Variants in BMPER observed in about 807,000 individuals in gnomAD.
BMPER encodes the protein BMP binding endothelial regulator, also known as BMP-binding endothelial regulator protein.
BMPER carries 45 observed loss-of-function variants against 87.3 expected under a neutral mutation model. The observed-to-expected ratio is 0.52, with a 90% CI of 0.41 to 0.66. The LOEUF is 0.66. Ranked by LOEUF, BMPER falls within the 30% of genes least tolerant of loss-of-function variation. BMPER has a pLI of 0.00. For synonymous variants in BMPER, 326 were observed against 316.2 expected (o/e 1.03, Z -0.33); for missense variants, 784 against 867.5 (o/e 0.90, Z 1.21).
intron 13 of BMPER, among the ~76,000 whole-genome samples, chr7:34,110,812 A>C (rs866261432): frequency 6.6e-6 from 1 of 152,228 alleles, no homozygotes; most frequent in South Asian, 2.1e-4. Flanking sequence ...CTGAATAATC[A>C]GACAAAATTA....
At chr7:33,920,418 GTGTT>G (rs1784194410) in intron 2 of BMPER, among the ~76,000 whole-genome samples, 1 of 99,940 alleles carries the variant, frequency 1.0e-5, no homozygotes, top group Non-Finnish European at 1.9e-5. Flanking sequence ...AAACTCCGTT[GTGTT>G]TTTTTTTTTT....
At chr7:34,145,407 C>CT (rs1790991242) in intron 14 of BMPER, among the ~76,000 whole-genome samples, 1 of 152,320 alleles carries the variant, frequency 6.6e-6, no homozygotes, top group African/African-American at 2.4e-5. Flanking sequence ...GTGTGCCACT[C>CT]TATCAATGCT....
intron 13 of BMPER, among the ~76,000 whole-genome samples, chr7:34,092,503 A>T (rs1789414214): frequency 6.6e-6 from 1 of 152,158 alleles, no homozygotes; most frequent in Non-Finnish European, 1.5e-5. Flanking sequence ...TGGGGTGATT[A>T]GTCCTTTACC....
In BMPER at chr7:34,012,408, G is replaced by A. The variant is rs551769905; in HGVS notation, c.577-33898G>A. On this transcript the variant is annotated intron_variant, in intron 6 of 14. Coordinates refer to ENST00000649409, the MANE Select transcript of BMPER (RefSeq NM_001365308.1). ...AGAAGGAATTGGCATTAATCATAGG[G>A]CAAATAGGTCTTAGTTAAGGAAACT... 6.6e-4 allele frequency among the ~76,000 whole-genome samples: 101 copies of A among 151,998 alleles called. 3 individuals carry two copies. In the South Asian group the frequency reaches 0.02, roughly 30 times the overall value.
At chr7:34,027,935 C>T (rs188426342) in intron 6 of BMPER, among the ~76,000 whole-genome samples, 4 of 152,156 alleles carry the variant, frequency 2.6e-5, no homozygotes, top group Admixed American at 2.6e-4. Flanking sequence ...ATATATTCCA[C>T]ATGACTGATG....
chr7:34,039,222 A>G (rs1463782825), intron 6 of BMPER, among the ~76,000 whole-genome samples: 1 of 152,196 alleles, frequency 6.6e-6, no homozygotes, highest in Non-Finnish European at 1.5e-5. Flanking sequence ...ATAAGCTTTA[A>G]GTCTTACTTA....
At chr7:34,140,538 C>T (rs1425160596) in intron 13 of BMPER, among the ~76,000 whole-genome samples, 4 of 152,156 alleles carry the variant, frequency 2.6e-5, no homozygotes, top group Non-Finnish European at 5.9e-5. Context: ...TTTTACAGAA[C>T]GGCATATCAT....
At chr7:34,103,248 C>A (rs545957290) in intron 13 of BMPER, among the ~76,000 whole-genome samples, 1 of 152,110 alleles carries the variant, frequency 6.6e-6, no homozygotes, top group South Asian at 2.1e-4. Context: ...ATGAGCTGTG[C>A]CCTTATTTTC....
rs146627505 is a variant in BMPER at position 34,034,982 on chromosome 7, C to T, written c.577-11324C>T. On this transcript the variant is annotated intron_variant, in intron 6 of 14. Coordinates refer to ENST00000649409, the MANE Select transcript of BMPER (RefSeq NM_001365308.1). Reference sequence around the variant, plus strand: ...AGCTTTGGCTCATGCTGGGACCCCCCACCACAGCTGGTGCCAACAGACTGT... The same window carrying T: ...AGCTTTGGCTCATGCTGGGACCCCCTACCACAGCTGGTGCCAACAGACTGT... Among the ~76,000 whole-genome samples, 1,357 of 152,306 alleles carry T rather than the reference C, an allele frequency of 8.9e-3. 14 individuals are homozygous for T. Among genetic ancestry groups the T allele is most frequent in the Admixed American group, 0.016 (243 of 15,298 alleles).
intron 12 of BMPER, among the ~76,000 whole-genome samples, chr7:34,084,018 A>G (rs1789129671): frequency 6.6e-6 from 1 of 151,854 alleles, no homozygotes; most frequent in African/African-American, 2.4e-5. Context: ...AAAAAAAAAA[A>G]AAAGGCCGCA....
chr7:33,988,701 G>A (rs1786092592), intron 6 of BMPER, among the ~76,000 whole-genome samples: 1 of 151,282 alleles, frequency 6.6e-6, no homozygotes, highest in South Asian at 2.1e-4. Flanking sequence ...TGCCATGCTG[G>A]TGCGCTGTAC....
chr7:34,044,320 T>G (rs1300272835), intron 6 of BMPER, among the ~76,000 whole-genome samples: 1 of 152,196 alleles, frequency 6.6e-6, no homozygotes, highest in Admixed American at 6.5e-5. Context: ...AATTTCAATT[T>G]TAAAATATGC....
At chr7:34,001,350 G>T (rs936524322) in intron 6 of BMPER, among the ~76,000 whole-genome samples, 1 of 151,716 alleles carries the variant, frequency 6.6e-6, no homozygotes, top group African/African-American at 2.4e-5. Context: ...TCTTCATATG[G>T]CATGAATATG....
At chr7:33,951,365 T>G (rs1785019748) in intron 3 of BMPER, among the ~76,000 whole-genome samples, 2 of 152,110 alleles carry the variant, frequency 1.3e-5, no homozygotes. Context: ...TTTCTTCTGT[T>G]TCTCTCAATG....
chr7:34,085,881 G>GATGGAAACTTC lies in BMPER; in HGVS notation c.1536_1546dup (p.Lys516MetfsTer41), dbSNP rs1789188400. ...TAAACGTGATGACTTAATTGGTGGA[G>GATGGAAACTTC]ATGGAAACTTCAAGTTTGATGTGGA... On this transcript the variant is annotated frameshift_variant, in exon 13 of 15. Transcript: ENST00000649409. LOFTEE classifies it high-confidence loss of function. 6.2e-7 allele frequency: 1 copy of GATGGAAACTTC among 1,614,188 alleles called. No homozygotes were observed. Among genetic ancestry groups the GATGGAAACTTC allele is most frequent in the Non-Finnish European group, 8.5e-7 (1 of 1,180,038 alleles).
At chr7:33,995,046 A>G (rs901957911) in intron 6 of BMPER, among the ~76,000 whole-genome samples, 2 of 152,204 alleles carry the variant, frequency 1.3e-5, no homozygotes, top group African/African-American at 4.8e-5. Flanking sequence ...TTGAATTTTT[A>G]TACTGTAAAA....
intron 13 of BMPER, among the ~76,000 whole-genome samples, chr7:34,110,845 T>C (rs1467943337): frequency 6.6e-6 from 1 of 152,312 alleles, no homozygotes; most frequent in East Asian, 1.9e-4. Flanking sequence ...TATGGAACAA[T>C]TGATACTAAT....
At chr7:34,112,757 TC>T (rs1032482092) in intron 13 of BMPER, among the ~76,000 whole-genome samples, 1 of 151,766 alleles carries the variant, frequency 6.6e-6, no homozygotes, top group African/African-American at 2.4e-5. Context: ...TTTCTTTTTT[TC>T]TTCATATATT....
At chr7:33,952,831 A>G (rs1785059598) in intron 3 of BMPER, among the ~76,000 whole-genome samples, 1 of 152,186 alleles carries the variant, frequency 6.6e-6, no homozygotes, top group African/African-American at 2.4e-5. Context: ...CTTAGAGCTA[A>G]TGTGTATTGA....
Sources: allele counts gnomAD v4.1 joint callset (sites outside exome capture counted in the v4.1 genomes callset), GRCh38; gene constraint gnomAD v4.1.1; transcripts MANE v1.5; gene names NCBI Gene and HGNC (gene_info 2026-07-23, HGNC 2026-07-21).